The following SSH1 variants were observed in gnomAD, a reference collection of about 807,000 sequenced individuals.
The protein encoded by SSH1 is slingshot protein phosphatase 1, also known as protein phosphatase Slingshot homolog 1.
Under a neutral mutation model 79.7 loss-of-function variants are expected in SSH1, and 43 were observed. The observed-to-expected ratio is 0.54, with a 90% CI of 0.42 to 0.70. The LOEUF (loss-of-function observed/expected upper bound fraction) is 0.70. Ranked by LOEUF, SSH1 falls within the 30% of genes least tolerant of loss-of-function variation. The pLI is 0.00. For missense variants in SSH1, 1,206 were observed against 1,358.8 expected (o/e 0.89, Z 1.77); for synonymous variants, 599 against 538.3 (o/e 1.11, Z -1.56).
In SSH1 at chr12:108,835,981, G is replaced by A. The variant is rs28408390; in HGVS notation, c.111-12620C>T. The stretch of plus-strand genomic sequence containing the variant: ...CGATTATAACTATATTAATATAATC[G>A]ATTATAACTATATTAATATAATCGA... On this transcript the variant is annotated intron_variant, in intron 2 of 14. Transcript: ENST00000326495. Among the ~76,000 whole-genome samples, 156 of 134,544 alleles carry A rather than the reference G, an allele frequency of 1.2e-3. 7 individuals carry two copies. The highest frequency in any genetic ancestry group is 3.5e-3 in the African/African-American group (114 of 32,298). The allele number at this position is 134,544 out of a possible 152,430, so 88.3% of individuals were successfully genotyped here.
At chr12:108,809,469 AAAC>A (rs2037463648) in intron 7 of SSH1, among the ~76,000 whole-genome samples, 1 of 151,732 alleles carries the variant, frequency 6.6e-6, no homozygotes, top group Admixed American at 6.6e-5. Flanking sequence ...AAAAAAAAAA[AAAC>A]GAGAAACCCC....
At chr12:108,826,017 A>C (rs545722892) in intron 2 of SSH1, 1 of 417,128 alleles carries the variant, frequency 2.4e-6, no homozygotes, top group African/African-American at 2.1e-5. Context: ...AACAACCATC[A>C]GTTCATCGAA....
At position 108,807,940 on chromosome 12, in the gene SSH1, G is replaced by C; in HGVS notation, c.537-113C>G. 1.0e-6 allele frequency: 1 copy of C among 967,710 alleles called. No homozygotes were observed. The highest frequency in any genetic ancestry group is 1.6e-6 in the Non-Finnish European group (1 of 625,670). 59.9% of individuals were successfully genotyped at this position (967,710 alleles called of 1,614,324 possible). Reference sequence around the variant, plus strand: ...AGGGAAGGGCAATGATTGATTGGTTGATTATTTCTTTTTGGGACAGAGTCT... The same window carrying C: ...AGGGAAGGGCAATGATTGATTGGTTCATTATTTCTTTTTGGGACAGAGTCT... On this transcript the variant is annotated intron_variant, in intron 7 of 14. Transcript: ENST00000326495. This position sits in a 1 kb window ranked among gnomAD's most constrained non-coding sequence, Gnocchi z 5.2.
At chr12:108,823,647 C>A (rs2038209595) in intron 2 of SSH1, among the ~76,000 whole-genome samples, 1 of 152,120 alleles carries the variant, frequency 6.6e-6, no homozygotes, top group Non-Finnish European at 1.5e-5. Context: ...GGACAGGGAT[C>A]TCACTGTCAT....
intron 2 of SSH1, among the ~76,000 whole-genome samples, chr12:108,830,842 G>C (rs933190274): frequency 3.8e-4 from 57 of 151,886 alleles, no homozygotes; most frequent in Admixed American, 3.7e-3. Flanking sequence ...ATGGGGTCTC[G>C]CTATGTTGCC....
chr12:108,787,846 A>G lies in SSH1; in HGVS notation c.*142T>C. On this transcript the variant is annotated 3_prime_UTR_variant, in exon 15 of 15. Coordinates refer to ENST00000326495, the MANE Select transcript of SSH1 (RefSeq NM_018984.4). ...TGGTTAGTTTCTTCTCCTCCTCTCTATGGCAAGAGTAGGGGAAAAGTTAGG... is the reference window on the plus strand; with the variant it reads ...TGGTTAGTTTCTTCTCCTCCTCTCTGTGGCAAGAGTAGGGGAAAAGTTAGG... 1 of 1,065,854 alleles carries G rather than the reference A, an allele frequency of 9.4e-7. No individual in the cohort carries two copies. The allele number at this position is 1,065,854 out of a possible 1,614,324, so 66.0% of individuals were successfully genotyped here.
intron 1 of SSH1, among the ~76,000 whole-genome samples, chr12:108,854,252 A>G (rs2039101226): frequency 6.6e-6 from 1 of 152,228 alleles, no homozygotes; most frequent in South Asian, 2.1e-4. Flanking sequence ...TCCCCCCACA[A>G]GAGAGAATGT....
At chr12:108,842,034 T>C (rs1175120907) in intron 2 of SSH1, among the ~76,000 whole-genome samples, 1 of 151,704 alleles carries the variant, frequency 6.6e-6, no homozygotes, top group Admixed American at 6.6e-5. Flanking sequence ...GAGGCTGAGG[T>C]GGGAGGACCA....
rs1412770918 is a variant in SSH1, at chr12:108,779,719, G to C, written c.*8269C>G. 1 of 151,744 alleles carries C rather than the reference G, an allele frequency of 6.6e-6. No homozygotes were observed. Among genetic ancestry groups the C allele is most frequent in the African/African-American group, 2.4e-5 (1 of 41,258 alleles). 9.4% of individuals were successfully genotyped at this position (151,744 alleles called of 1,614,324 possible). A position where few individuals can be genotyped will look rare whatever the true frequency, so the allele number is the denominator to read the frequency against. On this transcript the variant is annotated 3_prime_UTR_variant, in exon 15 of 15. Coordinates refer to ENST00000326495, the MANE Select transcript of SSH1 (RefSeq NM_018984.4). ...AGACAGAGTCTCACTCTGTCACCCA[G>C]GCTGGAGTGCAGTGGTGCAATCTTG...
chr12:108,811,364 T>G (rs747049518), intron 5 of SSH1, 36 bp from the exon 6 acceptor site: 2 of 1,602,752 alleles, frequency 1.2e-6, no homozygotes, highest in South Asian at 1.1e-5. Flanking sequence ...GGAGTCAGCG[T>G]CTACCCACCT....
At chr12:108,843,471 G>T (rs1220742310) in intron 2 of SSH1, among the ~76,000 whole-genome samples, 3 of 152,010 alleles carry the variant, frequency 2.0e-5, no homozygotes, top group Non-Finnish European at 4.4e-5. Context: ...GCTCAGAGGG[G>T]CCCCGTGCTT....
intron 2 of SSH1, among the ~76,000 whole-genome samples, chr12:108,839,601 G>C (rs2038726322): frequency 6.6e-6 from 1 of 152,108 alleles, no homozygotes; most frequent in Admixed American, 6.5e-5. Context: ...GAGAGACCAG[G>C]CATTTCCTAA....
intron 13 of SSH1, among the ~76,000 whole-genome samples, chr12:108,795,813 T>C (rs1389012074): frequency 1.3e-5 from 2 of 152,148 alleles, no homozygotes; most frequent in African/African-American, 4.8e-5. Flanking sequence ...GATCATACCC[T>C]GCAATCCGGC....
At chr12:108,800,962 A>G (rs769617963) in intron 11 of SSH1, 36 bp from the exon 12 acceptor site, 12 of 1,593,812 alleles carry the variant, frequency 7.5e-6, no homozygotes, top group Non-Finnish European at 8.6e-6. Context: ...AAATTTGGAC[A>G]ATCTGAATGA....
At chr12:108,841,787 G>A (rs981892462) in intron 2 of SSH1, among the ~76,000 whole-genome samples, 2 of 151,440 alleles carry the variant, frequency 1.3e-5, no homozygotes, top group Non-Finnish European at 2.9e-5. Context: ...CCAGCCTGGT[G>A]ACAGAGCAAG....
intron 2 of SSH1, among the ~76,000 whole-genome samples, chr12:108,844,427 A>G (rs1392347855): frequency 6.6e-6 from 1 of 152,160 alleles, no homozygotes. Context: ...CAGACTCTGC[A>G]AGGCTCGCTC....
chr12:108,813,775 A>G (rs1465526508), intron 5 of SSH1, among the ~76,000 whole-genome samples: 3 of 139,354 alleles, frequency 2.2e-5, no homozygotes, highest in Non-Finnish European at 3.1e-5. Flanking sequence ...AGGGGAAGGG[A>G]AGGGAAGGGG....
rs1472526828 is a variant in SSH1 at position 108,853,385 on chromosome 12, CACAT to C, written c.70-711_70-708del. On this transcript the variant is annotated intron_variant, in intron 1 of 14. Coordinates refer to ENST00000326495, the MANE Select transcript of SSH1 (RefSeq NM_018984.4). Reference sequence around the variant, plus strand: ...GAGCAAACTGAAAATAAGAAGGAAACACATACACACCCCCCAAACAACTCCGCAC... The same window carrying C: ...GAGCAAACTGAAAATAAGAAGGAAACACACACCCCCCAAACAACTCCGCAC... The C allele has an allele frequency of 5.1e-6, 5 of 979,552 alleles. No individual in the cohort carries two copies. In the East Asian group the frequency reaches 5.7e-4, roughly 111 times the overall value. 60.7% of individuals were successfully genotyped at this position (979,552 alleles called of 1,614,324 possible).
Position 108,792,527 on chromosome 12 carries a change from T to C in SSH1, c.1652A>G (p.His551Arg). ...TTGCTGGGGCTGTCTGGCCGGCCTG[T>C]GCACCTCTGCAGGTGGAGCAGCTTC... The part of the protein sequence containing the change: ...LEEAAPPAEV[H>R]RPARQPQQGS... The change falls in exon 14 of 15, where the codon CAC (histidine) becomes CGC (arginine). Residue 551 changes from histidine (H) to arginine (R), a missense_variant. Physicochemically the swap from His to Arg is conservative, Grantham distance 29 (BLOSUM62 0). This residue lies in a region of SSH1 where 709 missense variants were observed against 730.6 expected (regional missense o/e 0.97). Coordinates refer to ENST00000326495, the MANE Select transcript of SSH1 (RefSeq NM_018984.4). The C allele has an allele frequency of 6.2e-7, 1 of 1,614,152 alleles. No individual in the cohort carries two copies. Among genetic ancestry groups the C allele is most frequent in the East Asian group, 2.2e-5 (1 of 44,886 alleles).
Sources: allele counts gnomAD v4.1 joint callset (sites outside exome capture counted in the v4.1 genomes callset), GRCh38; gene constraint gnomAD v4.1.1; regional missense constraint gnomAD v4.1.1; non-coding constraint Gnocchi (gnomAD v3.1); transcripts MANE v1.5; gene names NCBI Gene and HGNC (gene_info 2026-07-23, HGNC 2026-07-21).